The following FHL1 variants were observed in gnomAD, a reference collection of about 807,000 sequenced individuals.
FHL1 encodes the protein four and a half LIM domains 1.
FHL1 carries 1 observed loss-of-function variant against 20.3 expected under a neutral mutation model. The observed-to-expected ratio is 0.05, with a 90% CI of 0.02 to 0.23. The LOEUF (loss-of-function observed/expected upper bound fraction) is 0.23. Ranked by LOEUF, FHL1 falls within the 10% of genes least tolerant of loss-of-function variation. The probability of loss-of-function intolerance (pLI) is 1.00; values close to 1 mark genes in which losing one functional copy is unlikely to be tolerated. For synonymous variants in FHL1, 82 were observed against 88.9 expected, an observed-to-expected ratio of 0.92 and a Z score of 0.44; for missense variants, 177 against 234.0, an observed-to-expected ratio of 0.76 and a Z score of 1.59.
intron 1 of FHL1, among the ~76,000 whole-genome samples, chrX:136,160,675 T>G (rs949537931): frequency 8.9e-6 from 1 of 112,266 alleles, no homozygotes; most frequent in African/African-American, 3.2e-5. Flanking sequence ...TTATTAAACT[T>G]TATTTTGTAT....
intron 2 of FHL1, among the ~76,000 whole-genome samples, chrX:136,186,250 G>T (rs2073284225): frequency 9.0e-6 from 1 of 111,098 alleles, no homozygotes; most frequent in African/African-American, 3.3e-5. Context: ...CAAAGAGCAT[G>T]GATTTGGAAT....
chrX:136,157,018 T>C (rs1213515370), intron 1 of FHL1, among the ~76,000 whole-genome samples: 8 of 105,865 alleles, frequency 7.6e-5, no homozygotes, highest in South Asian at 4.1e-4. Flanking sequence ...CACACACACA[T>C]AGGCAGACCT....
At chrX:136,179,090 T>C (rs1016717788) in intron 2 of FHL1, among the ~76,000 whole-genome samples, 2 of 112,227 alleles carry the variant, frequency 1.8e-5, no homozygotes, top group African/African-American at 6.5e-5. Flanking sequence ...TCATTAGGGC[T>C]ACAAATTCAT....
At chrX:136,170,714 G>A (rs1233053950) in intron 2 of FHL1, among the ~76,000 whole-genome samples, 1 of 111,065 alleles carries the variant, frequency 9.0e-6, no homozygotes, top group Non-Finnish European at 1.9e-5. Flanking sequence ...GCACGATACA[G>A]TAATGGTCCC....
At chrX:136,186,257 G>A (rs969130181) in intron 2 of FHL1, among the ~76,000 whole-genome samples, 1 of 111,034 alleles carries the variant, frequency 9.0e-6, no homozygotes, top group Admixed American at 9.6e-5. Context: ...CATGGATTTG[G>A]AATCAAAAGC....
intron 2 of FHL1, among the ~76,000 whole-genome samples, chrX:136,180,957 G>C (rs1338494088): frequency 2.7e-5 from 3 of 112,157 alleles, no homozygotes; most frequent in African/African-American, 9.7e-5. Context: ...GGCCAGGCTG[G>C]TCGTGAACTC....
upstream of FHL1, among the ~76,000 whole-genome samples, chrX:136,165,287 A>AAATT (rs1200526971): frequency 8.9e-6 from 1 of 112,178 alleles, no homozygotes; most frequent in Non-Finnish European, 1.9e-5. Flanking sequence ...TATTTCCAAT[A>AAATT]AATTATTTTG....
At chrX:136,200,622 A>G (rs1170345915) in intron 1 of FHL1, among the ~76,000 whole-genome samples, 1 of 112,281 alleles carries the variant, frequency 8.9e-6, no homozygotes, top group Non-Finnish European at 1.9e-5. Context: ...ATACTGAGTG[A>G]TTCCTGTATA....
At chrX:136,153,534 T>G (rs1460700230) in intron 1 of FHL1, among the ~76,000 whole-genome samples, 1 of 112,024 alleles carries the variant, frequency 8.9e-6, no homozygotes, top group African/African-American at 3.2e-5. Flanking sequence ...GGTGGTACCA[T>G]CTGATTTGTC....
chrX:136,187,547 C>T (rs1240774744), intron 2 of FHL1, among the ~76,000 whole-genome samples: 2 of 111,992 alleles, frequency 1.8e-5, no homozygotes, highest in Non-Finnish European at 3.8e-5. Flanking sequence ...AGAAATCTGC[C>T]ACAAAAAGCT....
upstream of FHL1, chrX:136,147,082 G>A (rs2072113614): frequency 3.9e-6 from 1 of 258,123 alleles, no homozygotes; most frequent in East Asian, 1.0e-4. Flanking sequence ...CACCTCCCCA[G>A]CCCCAGCCGC....
chrX:136,161,200 G>A (rs2072557389), intron 1 of FHL1, among the ~76,000 whole-genome samples: 2 of 111,289 alleles, frequency 1.8e-5, no homozygotes, highest in Admixed American at 9.5e-5. Context: ...ACAGGCATGT[G>A]ACAGCATCCT....
At chrX:136,178,754 A>G (rs766415589) in intron 2 of FHL1, among the ~76,000 whole-genome samples, 1 of 69,830 alleles carries the variant, frequency 1.4e-5, no homozygotes, top group African/African-American at 4.5e-5. Flanking sequence ...TTCTTTTTCT[A>G]TTCTTTTTTT....
upstream of FHL1, among the ~76,000 whole-genome samples, chrX:136,195,457 C>T (rs377711251): frequency 1.8e-5 from 2 of 112,330 alleles, no homozygotes; most frequent in South Asian, 7.4e-4. Flanking sequence ...GGCTAATCTC[C>T]GCACCATAAT....
intron 1 of FHL1, among the ~76,000 whole-genome samples, chrX:136,157,749 C>T (rs1211153809): frequency 9.0e-6 from 1 of 111,651 alleles, no homozygotes; most frequent in Non-Finnish European, 1.9e-5. Flanking sequence ...GTCCAAAATG[C>T]AATTGTCTTC....
chrX:136,169,257 C>G (rs1254619181), upstream of FHL1: 1 of 118,618 alleles, frequency 8.4e-6, no homozygotes, highest in East Asian at 2.6e-4. Context: ...CATGTCGTAG[C>G]GGGCCATATT....
At position 136,210,035 on chromosome X, in the gene FHL1, G is replaced by A; in HGVS notation, c.*10G>A. The A allele has an allele frequency of 8.3e-7, 1 of 1,210,522 alleles. No individual in the cohort carries two copies. Among genetic ancestry groups the A allele is most frequent in the Middle Eastern group, 2.3e-4 (1 of 4,350 alleles). The stretch of plus-strand genomic sequence containing the variant: ...TGCCAAAAAGCTGTAAACTGACAGG[G>A]GCTCCTGTCCTGTAAAATGGCATTT... On this transcript the variant is annotated 3_prime_UTR_variant, in exon 6 of 6. Transcript: ENST00000370683.
intron 2 of FHL1, among the ~76,000 whole-genome samples, chrX:136,170,868 C>T (rs1333479295): frequency 1.8e-5 from 2 of 111,521 alleles, no homozygotes; most frequent in Admixed American, 9.5e-5. Flanking sequence ...CCCCTGCATG[C>T]AGCCACATGG....
Position 136,181,293 on chromosome X carries a change from G to A in FHL1, c.-27+11313G>A, listed in dbSNP as rs188361633. Among the ~76,000 whole-genome samples the A allele has an allele frequency of 2.7e-5, 3 of 111,166 alleles. No individual in the cohort carries two copies. The Admixed American group carries it at 2.9e-4, about 11-fold the overall frequency. ...TGTTATATTTAGATTTTTTTTTCTA[G>A]TACCTTTAGGAATCTGCAAACAGAC... is the stretch of plus-strand genomic sequence containing the variant. On this transcript the variant is annotated intron_variant, in intron 2 of 6. Transcript: ENST00000394153.
Sources: gnomAD v4.1 joint callset for allele counts (sites outside exome capture counted in the v4.1 genomes callset) on GRCh38, gnomAD v4.1.1 for gene constraint, MANE v1.5 for transcripts, NCBI Gene and HGNC (gene_info 2026-07-23, HGNC 2026-07-21) for gene names.